RAP1B: variants seen among roughly 807,000 people sequenced by gnomAD.
RAP1B encodes the protein ras-related protein Rap-1b.
In RAP1B, 1 loss-of-function variant was observed where a neutral mutation model predicts 27.5. The ratio of observed to expected loss-of-function variants is 0.04; its 90% confidence interval spans 0.01 to 0.17. The LOEUF (loss-of-function observed/expected upper bound fraction) is 0.17, where lower values mean the gene tolerates loss of function less well. Among genes scored for constraint, RAP1B ranks in the 10% least tolerant of loss-of-function variants. The pLI is 1.00. For synonymous variants in RAP1B, 75 were observed against 73.1 expected (o/e 1.03, Z -0.13); for missense variants, 84 against 214.8 (o/e 0.39, Z 3.81).
At position 68,660,856 on chromosome 12, in the gene RAP1B, G is replaced by C. The variant is rs1359161090; in HGVS notation, c.*1607G>C. 1 of 152,168 alleles carries C rather than the reference G, an allele frequency of 6.6e-6. No homozygotes were observed. The highest frequency in any genetic ancestry group is 1.5e-5 in the Non-Finnish European group (1 of 68,022). The allele number at this position is 152,168 out of a possible 1,614,324, so 9.4% of individuals were successfully genotyped here. On this transcript the variant is annotated 3_prime_UTR_variant, in exon 8 of 8. Transcript: ENST00000250559. ...AGGAACGATTTAACATACTTTCATG[G>C]ATGTTACACTATGGATTTTTTAAAA...
chr12:68,637,319 C>G (rs1055451963), intron 1 of RAP1B, among the ~76,000 whole-genome samples: 1 of 152,022 alleles, frequency 6.6e-6, no homozygotes, highest in Non-Finnish European at 1.5e-5. Flanking sequence ...GCCTAGAGGC[C>G]GAGTGCAGTG....
chr12:68,641,672 C>A lies in RAP1B; in HGVS notation c.-26-7027C>A, dbSNP rs570643793. Among the ~76,000 whole-genome samples the A allele has an allele frequency of 1.8e-3, 280 of 152,084 alleles. 1 individual carries two copies. The highest frequency in any genetic ancestry group is 6.4e-3 in the African/African-American group (264 of 41,490). On this transcript the variant is annotated intron_variant, in intron 1 of 7. Coordinates refer to ENST00000250559, the MANE Select transcript of RAP1B (RefSeq NM_001010942.3). ...TATATAAGGAACTCAAATTAGGAATCTTTAAATGTAAATGACCTAATACTA... is the reference window on the plus strand; with the variant it reads ...TATATAAGGAACTCAAATTAGGAATATTTAAATGTAAATGACCTAATACTA...
intron 1 of RAP1B, among the ~76,000 whole-genome samples, chr12:68,620,863 C>T (rs973525990): frequency 2.0e-5 from 3 of 152,162 alleles, no homozygotes. Context: ...GCTGGGATTA[C>T]AGGAGTGAGC....
chr12:68,623,937 C>T (rs1473775283), intron 1 of RAP1B, among the ~76,000 whole-genome samples: 4 of 151,962 alleles, frequency 2.6e-5, no homozygotes, highest in South Asian at 2.1e-4. Flanking sequence ...GGGAGAATCG[C>T]TTGAACCCAG....
chr12:68,643,117 T>A (rs1873141883), intron 1 of RAP1B: 2 of 588,010 alleles, frequency 3.4e-6, no homozygotes, highest in South Asian at 4.2e-5. Flanking sequence ...TTGTTTTTCT[T>A]CCAAAATCTC....
At chr12:68,647,189 A>G (rs1221544660) in intron 1 of RAP1B, among the ~76,000 whole-genome samples, 1 of 152,096 alleles carries the variant, frequency 6.6e-6, no homozygotes, top group Non-Finnish European at 1.5e-5. Flanking sequence ...AGTAGCTGTG[A>G]TTACAGGCGT....
chr12:68,654,000 G>A, intron 4 of RAP1B, 112 bp from the exon 5 acceptor site: 3 of 898,670 alleles, frequency 3.3e-6, no homozygotes, highest in Non-Finnish European at 3.4e-6. Context: ...TTTTAACAAA[G>A]TTACATAATA....
intron 1 of RAP1B, among the ~76,000 whole-genome samples, chr12:68,635,872 G>A (rs893611726): frequency 2.9e-5 from 4 of 139,260 alleles, no homozygotes; most frequent in Non-Finnish European, 4.6e-5. Context: ...TTCCATTTTG[G>A]TTATACCCAT....
chr12:68,617,424 T>G (rs1436768848), intron 1 of RAP1B, among the ~76,000 whole-genome samples: 1 of 152,238 alleles, frequency 6.6e-6, no homozygotes, highest in Non-Finnish European at 1.5e-5. Flanking sequence ...TAGGATGAGA[T>G]ATATAACATA....
At chr12:68,611,637 G>A (rs1312128855) in intron 1 of RAP1B, among the ~76,000 whole-genome samples, 1 of 152,162 alleles carries the variant, frequency 6.6e-6, no homozygotes, top group African/African-American at 2.4e-5. Context: ...CTGAAACGGG[G>A]CTTGCTTGCT....
chr12:68,650,706 C>T (rs1249248813), intron 3 of RAP1B: 1 of 251,514 alleles, frequency 4.0e-6, no homozygotes, highest in Non-Finnish European at 7.4e-6. Flanking sequence ...TTAAAGCAGA[C>T]CATCCATTTC....
intron 1 of RAP1B, among the ~76,000 whole-genome samples, chr12:68,634,085 C>G (rs1872459568): frequency 6.6e-6 from 1 of 152,024 alleles, no homozygotes; most frequent in Non-Finnish European, 1.5e-5. Context: ...GAGAAGAATC[C>G]ATGACAACTC....
intron 1 of RAP1B, among the ~76,000 whole-genome samples, chr12:68,644,554 A>C (rs928094682): frequency 6.6e-6 from 1 of 151,522 alleles, no homozygotes; most frequent in Non-Finnish European, 1.5e-5. Flanking sequence ...ACTGCACTCC[A>C]GCCTGGGTGA....
At chr12:68,638,313 G>A (rs371615976) in intron 1 of RAP1B, among the ~76,000 whole-genome samples, 1 of 152,146 alleles carries the variant, frequency 6.6e-6, no homozygotes, top group Non-Finnish European at 1.5e-5. Flanking sequence ...GAAGAGAAGT[G>A]TGTTTCCTGA....
chr12:68,665,157 A>G lies in RAP1B; in HGVS notation c.*5908A>G, dbSNP rs765574439. 2 of 152,284 alleles carry G rather than the reference A, an allele frequency of 1.3e-5. No homozygotes were observed. Among genetic ancestry groups the G allele is most frequent in the Non-Finnish European group, 2.9e-5 (2 of 68,070 alleles). 9.4% of individuals were successfully genotyped at this position (152,284 alleles called of 1,614,324 possible). A position where few individuals can be genotyped will look rare whatever the true frequency, so the allele number is the denominator to read the frequency against. Reference sequence around the variant, plus strand: ...AGTATCTTTCCCTACTGGAAATGGAATAGAATCGGATGGGTATGGTACAGC... The same window carrying G: ...AGTATCTTTCCCTACTGGAAATGGAGTAGAATCGGATGGGTATGGTACAGC... On this transcript the variant is annotated 3_prime_UTR_variant, in exon 8 of 8. Transcript: ENST00000250559.
intron 4 of RAP1B, among the ~76,000 whole-genome samples, chr12:68,653,793 T>A (rs1873994501): frequency 6.6e-6 from 1 of 151,866 alleles, no homozygotes; most frequent in Non-Finnish European, 1.5e-5. Context: ...TAGCCGGGCA[T>A]GGTGGTGTGC....
intron 1 of RAP1B, chr12:68,642,793 C>T: frequency 9.6e-7 from 1 of 1,037,714 alleles, no homozygotes; most frequent in Non-Finnish European, 1.5e-6. Context: ...TAAAGTCATC[C>T]ACCAAACCGG....
rs965505618 is a variant in RAP1B at position 68,664,445 on chromosome 12, C to G, written c.*5196C>G. 1.3e-5 allele frequency: 2 copies of G among 152,212 alleles called. No homozygotes were observed. The highest frequency in any genetic ancestry group is 4.8e-5 in the African/African-American group (2 of 41,426). The allele number at this position is 152,212 out of a possible 1,614,324, so 9.4% of individuals were successfully genotyped here. ...CAGTCTGGCCTGGCATGGTGGCTCA[C>G]ACTTGTAATCCCAATGCTTTGGGAG... On this transcript the variant is annotated 3_prime_UTR_variant, in exon 8 of 8. Transcript: ENST00000250559.
chr12:68,618,834 A>T (rs930087037), intron 1 of RAP1B, among the ~76,000 whole-genome samples: 1 of 152,230 alleles, frequency 6.6e-6, no homozygotes, highest in African/African-American at 2.4e-5. Context: ...AATATACTGT[A>T]ACAAAATGGG....
Sources: gnomAD v4.1 joint callset for allele counts (sites outside exome capture counted in the v4.1 genomes callset) on GRCh38, gnomAD v4.1.1 for gene constraint, MANE v1.5 for transcripts, NCBI Gene and HGNC (gene_info 2026-07-23, HGNC 2026-07-21) for gene names.